The following VPS4B variants were observed in gnomAD, a reference collection of about 807,000 sequenced individuals.
VPS4B encodes the protein vacuolar protein sorting 4 homolog B.
A neutral mutation model predicts 56.1 loss-of-function variants in VPS4B; 23 were observed. That is an observed-to-expected ratio of 0.41 (90% CI 0.30 to 0.58). The LOEUF (loss-of-function observed/expected upper bound fraction) is 0.58. VPS4B is among the 20% of genes least tolerant of loss of function. The probability of loss-of-function intolerance (pLI) is 0.29; values close to 1 mark genes in which losing one functional copy is unlikely to be tolerated. For missense variants in VPS4B, 372 were observed against 531.9 expected (o/e 0.70, Z 2.96); for synonymous variants, 177 against 186.0 (o/e 0.95, Z 0.39).
At chr18:63,411,654 A>ATT in intron 1 of VPS4B, 76 bp from the exon 2 acceptor site, 47 of 994,332 alleles carry the variant, frequency 4.7e-5, no homozygotes, top group East Asian at 2.1e-4. Flanking sequence ...TCATACTGAA[A>ATT]GTTTTTTTTT....
rs908888987 is a variant in VPS4B, at chr18:63,395,168, G to A, written c.1093-1619C>T. Among the ~76,000 whole-genome samples, 6 of 152,284 alleles carry A rather than the reference G, an allele frequency of 3.9e-5. No individual in the cohort carries two copies. The East Asian group carries it at 7.7e-4, about 20-fold the overall frequency. On this transcript the variant is annotated intron_variant, in intron 9 of 10. Transcript: ENST00000238497. ...CCACTAACAAGGACCTGGCTTCAGC[G>A]TCATGTGAGCTCACCCTGGCAGTAA...
intron 3 of VPS4B, among the ~76,000 whole-genome samples, chr18:63,409,422 C>A (rs1915984913): frequency 6.6e-6 from 1 of 152,180 alleles, no homozygotes; most frequent in African/African-American, 2.4e-5. Context: ...ACAATGAGAA[C>A]CACATCCTCT....
intron 10 of VPS4B, among the ~76,000 whole-genome samples, chr18:63,392,894 C>T (rs1319304347): frequency 1.3e-5 from 2 of 151,972 alleles, no homozygotes; most frequent in East Asian, 1.9e-4. Context: ...TGCAGGTGTG[C>T]ACCACACTGC....
intron 1 of VPS4B, among the ~76,000 whole-genome samples, chr18:63,414,594 C>T (rs1916121254): frequency 6.6e-6 from 1 of 151,968 alleles, no homozygotes; most frequent in African/African-American, 2.4e-5. Context: ...ACCACCATGC[C>T]TGGCTAATTT....
chr18:63,420,173 C>T (rs1916262446), intron 1 of VPS4B, among the ~76,000 whole-genome samples: 1 of 152,152 alleles, frequency 6.6e-6, no homozygotes, highest in South Asian at 2.1e-4. Flanking sequence ...TGGGGCCGGG[C>T]ACGGTGGCTC....
chr18:63,390,046 T>C lies in VPS4B; in HGVS notation c.*929A>G, dbSNP rs1915508660. On this transcript the variant is annotated 3_prime_UTR_variant, in exon 11 of 11. Coordinates refer to ENST00000238497, the MANE Select transcript of VPS4B (RefSeq NM_004869.4). ...TAATTAAATATAAAAGCTTACCGTT[T>C]TTGTTTTTTTTTGAGACAGAGTTTT... 1 of 152,600 alleles carries C rather than the reference T, an allele frequency of 6.6e-6. No individual in the cohort carries two copies. Among genetic ancestry groups the C allele is most frequent in the South Asian group, 2.1e-4 (1 of 4,826 alleles). The allele number at this position is 152,600 out of a possible 1,614,324, so 9.5% of individuals were successfully genotyped here. A position where few individuals can be genotyped will look rare whatever the true frequency, so the allele number is the denominator to read the frequency against.
chr18:63,417,661 GTTT>G (rs1004097856), intron 1 of VPS4B, among the ~76,000 whole-genome samples: 1 of 151,222 alleles, frequency 6.6e-6, no homozygotes, highest in African/African-American at 2.4e-5. Context: ...GCATGCATAT[GTTT>G]TTTTTGTTTT....
Position 63,391,007 on chromosome 18 carries a change from T to G in VPS4B, c.1303A>C (p.Lys435Gln). Residue 435 changes from lysine (K) to glutamine (Q), a missense_variant, in exon 11 of 11, where the codon AAG (lysine) becomes CAG (glutamine). By Grantham distance (53) the Lys-to-Gln change is moderately conservative. Transcript: ENST00000238497. ...TCTTGACCAAAATCTTCTGTAAACT[T>G]CTTTAATTTCAACAAGTCATGTTCA... ...VNEHDLLKLK[K>Q]FTEDFGQEG is the part of the protein sequence containing the mutation. 6.2e-7 allele frequency: 1 copy of G among 1,613,536 alleles called. No individual in the cohort carries two copies. Among genetic ancestry groups the G allele is most frequent in the Non-Finnish European group, 8.5e-7 (1 of 1,179,632 alleles).
intron 4 of VPS4B, among the ~76,000 whole-genome samples, chr18:63,406,606 T>C (rs999534155): frequency 2.0e-5 from 3 of 152,224 alleles, no homozygotes; most frequent in Non-Finnish European, 2.9e-5. Context: ...AATAATCAAA[T>C]CTCAGTGATT....
chr18:63,410,177 T>C, intron 3 of VPS4B, 113 bp downstream of exon 3: 1 of 1,375,710 alleles, frequency 7.3e-7, no homozygotes, highest in South Asian at 1.4e-5. Flanking sequence ...AACAGGCAGC[T>C]GGGCAGCTTT....
chr18:63,407,561 G>A (rs550149366), intron 3 of VPS4B, 62 bp from the exon 4 acceptor site: 2 of 1,334,654 alleles, frequency 1.5e-6, no homozygotes, highest in Admixed American at 4.8e-5. Context: ...AGGCAAAAAT[G>A]AAGGAAAAAT....
intron 7 of VPS4B, 30 bp from the exon 8 acceptor site, chr18:63,399,353 A>C (rs148416815): frequency 1.3e-6 from 2 of 1,592,216 alleles, no homozygotes; most frequent in Non-Finnish European, 1.7e-6. Context: ...GCTTTAATTA[A>C]TTTGTCATTT....
intron 8 of VPS4B, among the ~76,000 whole-genome samples, chr18:63,398,224 T>TATATATATATATATATATATATATATATA (rs200704125): frequency 1.5e-4 from 7 of 46,762 alleles, no homozygotes; most frequent in African/African-American, 3.8e-4. Context: ...TATATATATA[T>TATATATATATATATATATATATATATATA]TTTTTTTTGA....
Position 63,422,337 on chromosome 18 carries a change from G to C in VPS4B, c.-78C>G. On this transcript the variant is annotated 5_prime_UTR_variant, in exon 1 of 11. Transcript: ENST00000238497. ...GCAGCAACGTCGAAGCGCGCACGGGGTAACAGCCCTCAAACTGGGGAGGCC... is the reference window on the plus strand; with the variant it reads ...GCAGCAACGTCGAAGCGCGCACGGGCTAACAGCCCTCAAACTGGGGAGGCC... The C allele has an allele frequency of 1.5e-6, 2 of 1,364,042 alleles. No individual in the cohort carries two copies. Among genetic ancestry groups the C allele is most frequent in the Non-Finnish European group, 1.9e-6 (2 of 1,037,622 alleles). 84.5% of individuals were successfully genotyped at this position (1,364,042 alleles called of 1,614,324 possible). A position where few individuals can be genotyped will look rare whatever the true frequency, so the allele number is the denominator to read the frequency against.
chr18:63,405,156 T>C (rs1298039296), intron 4 of VPS4B, among the ~76,000 whole-genome samples: 1 of 152,138 alleles, frequency 6.6e-6, no homozygotes, highest in African/African-American at 2.4e-5. Flanking sequence ...AATCTCATAC[T>C]AGACATGGTT....
chr18:63,397,398 T>A, intron 8 of VPS4B, 145 bp from the exon 9 acceptor site: 1 of 729,180 alleles, frequency 1.4e-6, no homozygotes, highest in Non-Finnish European at 2.1e-6. Context: ...CAGAACACAT[T>A]AAAAACAAAC....
intron 9 of VPS4B, among the ~76,000 whole-genome samples, chr18:63,395,712 G>C (rs1341512185): frequency 1.3e-5 from 2 of 152,192 alleles, no homozygotes; most frequent in Admixed American, 6.5e-5. Flanking sequence ...CACAGCAAAA[G>C]GGTTGGTCCA....
In VPS4B at chr18:63,399,236, T is replaced by C. The variant is rs1386909333; in HGVS notation, c.872+6A>G. ...GAGAAATAAGATATTTACTATATTA[T>C]CCTACCTTCGCCTAATGGCAGAATC... On this transcript the variant is annotated splice_donor_region_variant and intron_variant, in intron 8 of 10. Coordinates refer to ENST00000238497, the MANE Select transcript of VPS4B (RefSeq NM_004869.4). 1.9e-6 allele frequency: 3 copies of C among 1,610,080 alleles called. No homozygotes were observed. The highest frequency in any genetic ancestry group is 1.7e-4 in the Middle Eastern group (1 of 6,050).
intron 1 of VPS4B, among the ~76,000 whole-genome samples, chr18:63,421,157 TAAC>T (rs1916291347): frequency 6.6e-6 from 1 of 152,166 alleles, no homozygotes; most frequent in Middle Eastern, 3.4e-3. Context: ...TTGTGAAAGA[TAAC>T]AATTATTTTA....
Sources: gnomAD v4.1 joint callset for allele counts (sites outside exome capture counted in the v4.1 genomes callset) on GRCh38, gnomAD v4.1.1 for gene constraint, MANE v1.5 for transcripts, NCBI Gene and HGNC (gene_info 2026-07-23, HGNC 2026-07-21) for gene names.